PRH1: variants seen among roughly 807,000 people sequenced by gnomAD.
PRH1 encodes the protein proline rich protein HaeIII subfamily 1.
A neutral mutation model predicts 7.9 loss-of-function variants in PRH1; 7 were observed. That is an observed-to-expected ratio of 0.89 (90% CI 0.50 to 1.67). The LOEUF (loss-of-function observed/expected upper bound fraction) is 1.67. PRH1 is among the 40% of genes most tolerant of loss of function. PRH1 has a pLI of 0.00. For missense variants in PRH1, 109 were observed against 223.6 expected (o/e 0.49, Z 3.27); for synonymous variants, 45 against 80.8 (o/e 0.56, Z 2.38).
chr12:11,031,139 C>T (rs1942189858), intron 1 of PRH1: 1 of 1,614,212 alleles, frequency 6.2e-7, no homozygotes, highest in Non-Finnish European at 8.5e-7. Flanking sequence ...AGTTGAATAC[C>T]AATTTAATAA....
upstream of PRH1, among the ~76,000 whole-genome samples, chr12:10,886,559 A>G (rs538849764): frequency 3.3e-5 from 5 of 152,282 alleles, no homozygotes; most frequent in African/African-American, 1.2e-4. Flanking sequence ...ACTGTCTGTG[A>G]GTGAAGGTGG....
chr12:11,057,619 T>C (rs1269802375), intron 1 of PRH1, among the ~76,000 whole-genome samples: 3 of 152,222 alleles, frequency 2.0e-5, no homozygotes, highest in East Asian at 1.9e-4. Context: ...GGTAGTCCTT[T>C]CTATAACCGG....
chr12:11,016,867 G>A (rs2136055422), intron 1 of PRH1, among the ~76,000 whole-genome samples: 1 of 152,262 alleles, frequency 6.6e-6, no homozygotes, highest in East Asian at 1.9e-4. Context: ...AACAATGATT[G>A]AAAAATAATA....
intron 1 of PRH1, among the ~76,000 whole-genome samples, chr12:11,014,271 C>G (rs915555041): frequency 6.6e-6 from 1 of 151,738 alleles, no homozygotes; most frequent in African/African-American, 2.4e-5. Context: ...AGTTTAGAGA[C>G]AAAAGAGAAC....
chr12:10,938,585 T>A, intron 2 of PRH1: 3 of 1,613,994 alleles, frequency 1.9e-6, no homozygotes, highest in Non-Finnish European at 2.5e-6. Flanking sequence ...CTTCTTGCGA[T>A]GTTTCCACAT....
At chr12:11,043,577 T>C (rs573171898) in intron 1 of PRH1, among the ~76,000 whole-genome samples, 1 of 150,894 alleles carries the variant, frequency 6.6e-6, no homozygotes, top group East Asian at 2.0e-4. Flanking sequence ...TTAGAATTGA[T>C]AAACAAACTC....
intron 2 of PRH1, among the ~76,000 whole-genome samples, chr12:10,970,955 G>A (rs1256672903): frequency 6.6e-6 from 1 of 152,142 alleles, no homozygotes; most frequent in Non-Finnish European, 1.5e-5. Flanking sequence ...CTATCTATGA[G>A]AATATGTAGT....
intron 1 of PRH1, among the ~76,000 whole-genome samples, chr12:11,073,828 G>T (rs1166023665): frequency 6.6e-6 from 1 of 152,184 alleles, no homozygotes; most frequent in Non-Finnish European, 1.5e-5. Context: ...GCCCGTAGGA[G>T]AGGAGAAAGC....
chr12:11,037,289 A>T (rs1942471117), intron 1 of PRH1, among the ~76,000 whole-genome samples: 1 of 152,222 alleles, frequency 6.6e-6, no homozygotes, highest in Non-Finnish European at 1.5e-5. Flanking sequence ...CTAAATCTGG[A>T]TCATTTTACT....
intron 2 of PRH1, among the ~76,000 whole-genome samples, chr12:10,916,227 C>T (rs933611926): frequency 2.0e-5 from 3 of 152,132 alleles, no homozygotes; most frequent in South Asian, 4.2e-4. Context: ...GGGAAAGACC[C>T]GCCCACGATT....
intron 1 of PRH1, among the ~76,000 whole-genome samples, chr12:11,115,562 C>T (rs936364562): frequency 6.6e-6 from 1 of 152,110 alleles, no homozygotes; most frequent in African/African-American, 2.4e-5. Flanking sequence ...CAGATATTTA[C>T]ATAACATTTC....
chr12:10,992,652 CTCCT>C (rs1382758231), intron 1 of PRH1, among the ~76,000 whole-genome samples: 1 of 152,104 alleles, frequency 6.6e-6, no homozygotes, highest in Non-Finnish European at 1.5e-5. Context: ...GCCTCAAGTG[CTCCT>C]CCCACCTCAG....
chr12:11,122,287 T>G (rs1427117297), intron 1 of PRH1, among the ~76,000 whole-genome samples: 1 of 152,254 alleles, frequency 6.6e-6, no homozygotes, highest in Admixed American at 6.5e-5. Context: ...CACTGCCTGA[T>G]CTAGCCTAAA....
At chr12:10,989,627 T>C (rs1239225140) in intron 1 of PRH1, among the ~76,000 whole-genome samples, 1 of 152,212 alleles carries the variant, frequency 6.6e-6, no homozygotes, top group African/African-American at 2.4e-5. Context: ...ACACCACCAC[T>C]TTATACAGTC....
downstream of PRH1, among the ~76,000 whole-genome samples, chr12:11,119,880 A>G (rs1945843103): frequency 6.6e-6 from 1 of 152,190 alleles, no homozygotes; most frequent in Non-Finnish European, 1.5e-5. Context: ...CGGGTTATAT[A>G]AATAAATAAC....
At chr12:11,005,361 CA>C (rs1940778745) in intron 1 of PRH1, among the ~76,000 whole-genome samples, 1 of 152,074 alleles carries the variant, frequency 6.6e-6, no homozygotes. Context: ...TTGTGTTCAG[CA>C]ATGTCAGTTG....
intron 1 of PRH1, chr12:10,986,038 C>A (rs773468628): frequency 6.2e-7 from 1 of 1,613,822 alleles, no homozygotes; most frequent in Non-Finnish European, 8.5e-7. Context: ...ATGAATGAGT[C>A]GAATGCAAGA....
chr12:11,021,131 TTAAC>T (rs1204730107), intron 1 of PRH1, among the ~76,000 whole-genome samples: 4 of 152,306 alleles, frequency 2.6e-5, no homozygotes, highest in African/African-American at 4.8e-5. Flanking sequence ...GTGTGCATCA[TTAAC>T]TAACAACAAT....
intron 1 of PRH1, among the ~76,000 whole-genome samples, chr12:11,054,617 A>G (rs1037832154): frequency 5.9e-5 from 9 of 152,234 alleles, no homozygotes; most frequent in African/African-American, 1.9e-4. Flanking sequence ...AATGGGCATA[A>G]TTATTTCATT....
Sources: gnomAD v4.1 joint callset for allele counts (sites outside exome capture counted in the v4.1 genomes callset) on GRCh38, gnomAD v4.1.1 for gene constraint, MANE v1.5 for transcripts, NCBI Gene and HGNC (gene_info 2026-07-23, HGNC 2026-07-21) for gene names.